RCOR1: variants seen among roughly 807,000 people sequenced by gnomAD.
RCOR1 encodes REST corepressor.
RCOR1 carries 12 observed loss-of-function variants against 64.0 expected under a neutral mutation model. The ratio of observed to expected loss-of-function variants is 0.19; its 90% confidence interval spans 0.12 to 0.30. RCOR1 has a LOEUF of 0.30. Ranked by LOEUF, RCOR1 falls within the 10% of genes least tolerant of loss-of-function variation. RCOR1 has a pLI of 1.00. For synonymous variants in RCOR1, 279 were observed against 227.2 expected (o/e 1.23, Z -2.05); for missense variants, 502 against 621.2 (o/e 0.81, Z 2.04).
At chr14:102,685,238 T>G (rs1048450228) in intron 3 of RCOR1, among the ~76,000 whole-genome samples, 5 of 152,194 alleles carry the variant, frequency 3.3e-5, no homozygotes, top group African/African-American at 1.2e-4. Context: ...CCACAAAATG[T>G]GAACTGTTAT....
intron 3 of RCOR1, among the ~76,000 whole-genome samples, chr14:102,683,173 G>T (rs757375568): frequency 6.6e-6 from 1 of 152,012 alleles, no homozygotes; most frequent in Non-Finnish European, 1.5e-5. Context: ...TTTATTGTAA[G>T]CCCTGATTAC....
intron 2 of RCOR1, among the ~76,000 whole-genome samples, chr14:102,634,320 CTA>C (rs1894187241): frequency 6.6e-6 from 1 of 152,000 alleles, no homozygotes; most frequent in Admixed American, 6.6e-5. Context: ...CTTCAGTGAG[CTA>C]TATGATTATG....
At chr14:102,658,599 C>G (rs1894772317) in intron 2 of RCOR1, 1 of 985,278 alleles carries the variant, frequency 1.0e-6, no homozygotes, top group Non-Finnish European at 1.2e-6. Context: ...CCATCCTTTT[C>G]CTGTATGCTA....
At chr14:102,660,971 T>G (rs1160904340) in intron 2 of RCOR1, among the ~76,000 whole-genome samples, 3 of 152,192 alleles carry the variant, frequency 2.0e-5, no homozygotes, top group African/African-American at 7.2e-5. Flanking sequence ...CAGCTCTTTT[T>G]CAAAGGGATA....
intron 3 of RCOR1, among the ~76,000 whole-genome samples, chr14:102,687,325 T>C (rs1334215976): frequency 2.0e-5 from 3 of 152,258 alleles, no homozygotes; most frequent in African/African-American, 4.8e-5. Flanking sequence ...GTTATTACAG[T>C]AGCCAAGTTT....
intron 3 of RCOR1, among the ~76,000 whole-genome samples, chr14:102,700,482 C>A (rs2139977704): frequency 6.6e-6 from 1 of 152,336 alleles, no homozygotes; most frequent in South Asian, 2.1e-4. Context: ...CCTAGCCTCC[C>A]AAAATGCTGG....
At chr14:102,694,939 T>C (rs1034291713) in intron 3 of RCOR1, among the ~76,000 whole-genome samples, 4 of 151,974 alleles carry the variant, frequency 2.6e-5, no homozygotes, top group Non-Finnish European at 5.9e-5. Context: ...ACAGCAAGAG[T>C]TTCAAAAATA....
At chr14:102,684,122 G>C (rs930371022) in intron 3 of RCOR1, among the ~76,000 whole-genome samples, 2 of 152,146 alleles carry the variant, frequency 1.3e-5, no homozygotes, top group African/African-American at 4.8e-5. Flanking sequence ...AATCCAACTC[G>C]CACGGGAGGC....
intron 2 of RCOR1, among the ~76,000 whole-genome samples, chr14:102,598,683 C>T (rs560993333): frequency 3.4e-4 from 52 of 150,986 alleles, no homozygotes; most frequent in Admixed American, 9.2e-4. Flanking sequence ...CTCCTGACCT[C>T]GTGATCCGCC....
At chr14:102,698,829 A>AT (rs1296275407) in intron 3 of RCOR1, among the ~76,000 whole-genome samples, 6 of 152,084 alleles carry the variant, frequency 3.9e-5, no homozygotes, top group South Asian at 2.1e-4. Context: ...CTCATCTGAC[A>AT]TTTTTTAGAA....
At chr14:102,678,498 A>G (rs1425171619) in intron 2 of RCOR1, among the ~76,000 whole-genome samples, 1 of 151,986 alleles carries the variant, frequency 6.6e-6, no homozygotes, top group African/African-American at 2.4e-5. Flanking sequence ...GGGGTTTCAC[A>G]GTATTGGTCA....
At chr14:102,639,568 C>G (rs181931285) in intron 2 of RCOR1, among the ~76,000 whole-genome samples, 5 of 150,182 alleles carry the variant, frequency 3.3e-5, no homozygotes, top group East Asian at 2.0e-4. Flanking sequence ...GAGTCTCGCT[C>G]TGTTGTCCAG....
chr14:102,594,639 A>G (rs184619722), intron 2 of RCOR1, among the ~76,000 whole-genome samples: 12 of 149,946 alleles, frequency 8.0e-5, no homozygotes, highest in Admixed American at 3.3e-4. Flanking sequence ...AGTGTTTTTG[A>G]TAGTTTCCTC....
intron 2 of RCOR1, among the ~76,000 whole-genome samples, chr14:102,656,768 GTTTCT>G (rs1380336792): frequency 2.4e-4 from 36 of 147,614 alleles, no homozygotes; most frequent in African/African-American, 7.3e-4. Flanking sequence ...CTCAGAAAAG[GTTTCT>G]TTTCTTTTCT....
rs560254418 is a variant in RCOR1 at position 102,623,879 on chromosome 14, AC to A, written c.361+30558del. ...AGACCATCCTGGCTAACACGGTGAA[AC>A]CCCATCTCTACTAAAAAAAATACAA... On this transcript the variant is annotated intron_variant, in intron 2 of 11. Coordinates refer to ENST00000262241, the MANE Select transcript of RCOR1 (RefSeq NM_015156.4). Among the ~76,000 whole-genome samples, 478 of 150,140 alleles carry A rather than the reference AC, an allele frequency of 3.2e-3. 2 individuals carry two copies. The highest frequency in any genetic ancestry group is 7.5e-3 in the Admixed American group (113 of 15,020).
rs530765437 is a variant in RCOR1, at chr14:102,687,461, CTAAG to C, written c.445+5487_445+5490del. ...CTATACTAGTTTTTTTGGGCTGTGT[CTAAG>C]TAAAACCCATTTAATGAGAGATATA... On this transcript the variant is annotated intron_variant, in intron 3 of 11. Transcript: ENST00000262241. 5.9e-5 allele frequency among the ~76,000 whole-genome samples: 9 copies of C among 152,224 alleles called. No individual in the cohort carries two copies. The East Asian group carries it at 1.7e-3, about 29-fold the overall frequency.
In RCOR1 at chr14:102,692,436, A is replaced by G. The variant is rs1292102808; in HGVS notation, c.446-8842A>G. ...GCTGCTCTCAAGTAGTTCAGGAAAA[A>G]GTTAACACACACACACACACACACA... On this transcript the variant is annotated intron_variant, in intron 3 of 11. Coordinates refer to ENST00000262241, the MANE Select transcript of RCOR1 (RefSeq NM_015156.4). Among the ~76,000 whole-genome samples the G allele has an allele frequency of 4.3e-5, 5 of 116,604 alleles. No homozygotes were observed. In the South Asian group the frequency reaches 1.4e-3, roughly 32 times the overall value. 76.5% of individuals were successfully genotyped at this position (116,604 alleles called of 152,430 possible).
intron 2 of RCOR1, chr14:102,659,421 C>T (rs1894788985): frequency 3.6e-6 from 1 of 278,340 alleles, no homozygotes; most frequent in Admixed American, 6.5e-5. Context: ...TCTTATTTTA[C>T]TGGAGATTCC....
At chr14:102,632,680 T>TTTTCCTTTCC (rs1894145667) in intron 2 of RCOR1, among the ~76,000 whole-genome samples, 1 of 83,220 alleles carries the variant, frequency 1.2e-5, no homozygotes, top group Non-Finnish European at 2.6e-5. Flanking sequence ...TTTCCTTTCC[T>TTTTCCTTTCC]TTTCCTTTTC....
Sources: allele counts gnomAD v4.1 joint callset (sites outside exome capture counted in the v4.1 genomes callset), GRCh38; gene constraint gnomAD v4.1.1; transcripts MANE v1.5; gene names NCBI Gene and HGNC (gene_info 2026-07-23, HGNC 2026-07-21).